The following RIMKLB variants were observed in gnomAD, a reference collection of about 807,000 sequenced individuals.
RIMKLB encodes ribosomal modification protein rimK like family member B.
RIMKLB carries 7 observed loss-of-function variants against 32.0 expected under a neutral mutation model. That is an observed-to-expected ratio of 0.22 (90% CI 0.12 to 0.41). The LOEUF (loss-of-function observed/expected upper bound fraction) is 0.41. Ranked by LOEUF, RIMKLB falls within the 10% of genes least tolerant of loss-of-function variation. The pLI is 1.00. For synonymous variants in RIMKLB, 172 were observed against 185.1 expected (o/e 0.93, Z 0.57); for missense variants, 289 against 498.7 (o/e 0.58, Z 4.00).
chr12:8,723,804 C>CTTTTTTTTTTT (rs35269536), intron 2 of RIMKLB, among the ~76,000 whole-genome samples: 7 of 75,520 alleles, frequency 9.3e-5, no homozygotes, highest in African/African-American at 1.6e-4. Flanking sequence ...CTTCAGTTCC[C>CTTTTTTTTTTT]TTTTTTTTTT....
intron 1 of RIMKLB, among the ~76,000 whole-genome samples, chr12:8,709,435 G>A (rs1944177353): frequency 6.6e-6 from 1 of 152,250 alleles, no homozygotes; most frequent in East Asian, 1.9e-4. Flanking sequence ...TGTGCCCAAG[G>A]CTAGGAGAGA....
chr12:8,737,792 A>G (rs1947148622), intron 2 of RIMKLB, among the ~76,000 whole-genome samples: 1 of 152,194 alleles, frequency 6.6e-6, no homozygotes, highest in Non-Finnish European at 1.5e-5. Flanking sequence ...TTGGCTCACC[A>G]TAAGCTCTGC....
the RIMKLB span, among the ~76,000 whole-genome samples, chr12:8,674,185 C>T: frequency 6.6e-6 from 1 of 151,530 alleles, no homozygotes; most frequent in Non-Finnish European, 1.5e-5. Context: ...TACATTTTGC[C>T]CTTTCCCTGA....
Position 8,773,766 on chromosome 12 carries a change from C to T in RIMKLB, c.1143C>T (p.Ile381=). ...TGAACCAGCTGCTAGCCAATGAAAT[C>T]AAACTACTGGTGGACTGACTCCACT... ...FNMNQLLANE[I]KLLVD Residue 381 remains isoleucine, a synonymous_variant, in exon 6 of 6, where the codon ATC becomes ATT. Coordinates refer to ENST00000535829, the MANE Select transcript of RIMKLB (RefSeq NM_001297776.2). The T allele has an allele frequency of 6.2e-7, 1 of 1,612,892 alleles. No individual in the cohort carries two copies. The highest frequency in any genetic ancestry group is 8.5e-7 in the Non-Finnish European group (1 of 1,179,030).
upstream of RIMKLB, among the ~76,000 whole-genome samples, chr12:8,678,489 C>G (rs762939041): frequency 2.2e-4 from 33 of 152,046 alleles, no homozygotes; most frequent in African/African-American, 8.0e-4. Flanking sequence ...CACCACCACG[C>G]TCTGCTAATT....
rs1225296564 is a variant in RIMKLB at position 8,742,315 on chromosome 12, A to G, written c.176-7547A>G. The G allele has an allele frequency of 4.3e-5, 7 of 162,270 alleles. No homozygotes were observed. The Admixed American group carries it at 4.5e-4, about 10-fold the overall frequency. The allele number at this position is 162,270 out of a possible 1,614,324, so 10.1% of individuals were successfully genotyped here. A position where few individuals can be genotyped will look rare whatever the true frequency, so the allele number is the denominator to read the frequency against. The stretch of plus-strand genomic sequence containing the variant: ...GGATTTTAATGCTTTTCATTTGACT[A>G]TTCTGTGGTTTCTACTGCCATCCTA... On this transcript the variant is annotated intron_variant, in intron 2 of 5. Coordinates refer to ENST00000535829, the MANE Select transcript of RIMKLB (RefSeq NM_001297776.2).
At chr12:8,693,558 A>C (rs12297409), upstream of RIMKLB, among the ~76,000 whole-genome samples, 31,956 of 151,536 alleles carry the variant, frequency 0.21, 3,681 homozygotes, top group Non-Finnish European at 0.26. Context: ...CACCACGCCC[A>C]GCTAATTTTT....
chr12:8,770,683 C>T (rs897454434), intron 5 of RIMKLB, among the ~76,000 whole-genome samples: 5 of 152,260 alleles, frequency 3.3e-5, no homozygotes, highest in Non-Finnish European at 5.9e-5. Context: ...CATTCAACAA[C>T]AATTCACATG....
At chr12:8,757,588 T>G (rs1949161107) in intron 5 of RIMKLB, among the ~76,000 whole-genome samples, 1 of 152,230 alleles carries the variant, frequency 6.6e-6, no homozygotes, top group Admixed American at 6.5e-5. Flanking sequence ...GTTATCTGTT[T>G]ACTCTCTCTG....
chr12:8,735,711 T>C (rs1946933548), intron 2 of RIMKLB, among the ~76,000 whole-genome samples: 1 of 147,382 alleles, frequency 6.8e-6, no homozygotes, highest in Non-Finnish European at 1.5e-5. Context: ...ATTTTAGACT[T>C]TCTTCGTTTT....
chr12:8,773,341 T>C lies in RIMKLB; in HGVS notation c.718T>C (p.Ser240Pro), dbSNP rs763297463. 3 of 1,613,340 alleles carry C rather than the reference T, an allele frequency of 1.9e-6. No individual in the cohort carries two copies. The highest frequency in any genetic ancestry group is 2.5e-6 in the Non-Finnish European group (3 of 1,179,270). Residue 240 changes from serine (S) to proline (P), a missense_variant, in exon 6 of 6, where the codon TCA (serine) becomes CCA (proline). Transcript: ENST00000535829. ...GCCAGGTGGTGTGGGGATGATGTGC[T>C]CATTGAGTGAACAAGGGAAGCAGCT... ...CSLGGVGMMC[S>P]LSEQGKQLAI...
At chr12:8,677,171 A>C (rs1942348151), upstream of RIMKLB, among the ~76,000 whole-genome samples, 1 of 152,186 alleles carries the variant, frequency 6.6e-6, no homozygotes, top group Non-Finnish European at 1.5e-5. Context: ...GCTCAAGGAA[A>C]AAGTGTGGAT....
At chr12:8,752,747 G>GTTT (rs113660868) in intron 4 of RIMKLB, among the ~76,000 whole-genome samples, 443 of 146,596 alleles carry the variant, frequency 3.0e-3, no homozygotes, top group African/African-American at 0.01. Context: ...TTTGTTTTTT[G>GTTT]TTTTTTTTTT....
rs367845706 is a variant in RIMKLB at position 8,723,495 on chromosome 12, G to A, written c.175+9454G>A. 2.7e-4 allele frequency among the ~76,000 whole-genome samples: 41 copies of A among 152,338 alleles called. No individual in the cohort carries two copies. In the East Asian group the frequency reaches 4.6e-3, roughly 17 times the overall value. ...CAAAGACACAAAGTGAGCACTTGCT[G>A]TTGCAAAAATGACACTGATTGACTT... is the stretch of plus-strand genomic sequence containing the variant. On this transcript the variant is annotated intron_variant, in intron 2 of 5. Coordinates refer to ENST00000535829, the MANE Select transcript of RIMKLB (RefSeq NM_001297776.2).
chr12:8,698,892 G>C (rs1943122558), intron 1 of RIMKLB, among the ~76,000 whole-genome samples: 1 of 151,882 alleles, frequency 6.6e-6, no homozygotes, highest in Non-Finnish European at 1.5e-5. Context: ...ATAATTGCTT[G>C]TCCAGTTTTG....
At chr12:8,748,886 C>G (rs946520982) in intron 2 of RIMKLB, among the ~76,000 whole-genome samples, 7 of 152,068 alleles carry the variant, frequency 4.6e-5, no homozygotes, top group African/African-American at 1.7e-4. Flanking sequence ...TTGCAGTGAG[C>G]TGAGACCATG....
chr12:8,716,410 C>T (rs1944834370), intron 2 of RIMKLB, among the ~76,000 whole-genome samples: 2 of 148,954 alleles, frequency 1.3e-5, no homozygotes, highest in Non-Finnish European at 3.0e-5. Flanking sequence ...TCCCATTAAC[C>T]TAGCCTTACC....
chr12:8,766,680 G>T (rs924121329), intron 5 of RIMKLB, among the ~76,000 whole-genome samples: 1 of 152,140 alleles, frequency 6.6e-6, no homozygotes, highest in African/African-American at 2.4e-5. Context: ...CTCAGTCACC[G>T]GGAGGAACCC....
intron 1 of RIMKLB, among the ~76,000 whole-genome samples, chr12:8,698,800 T>C (rs1943112127): frequency 6.6e-6 from 1 of 152,012 alleles, no homozygotes; most frequent in South Asian, 2.1e-4. Context: ...CACGTTTTCC[T>C]CCTTACGTGT....
Sources: gnomAD v4.1 joint callset for allele counts (sites outside exome capture counted in the v4.1 genomes callset) on GRCh38, gnomAD v4.1.1 for gene constraint, MANE v1.5 for transcripts, NCBI Gene and HGNC (gene_info 2026-07-23, HGNC 2026-07-21) for gene names.